The following GDPD4 variants were observed in gnomAD, a reference collection of about 807,000 sequenced individuals.
The protein encoded by GDPD4 is glycerophosphodiester phosphodiesterase domain containing 4, also known as glycerophosphodiester phosphodiesterase 6.
GDPD4 carries 60 observed loss-of-function variants against 67.8 expected under a neutral mutation model. The observed-to-expected ratio is 0.88, with a 90% CI of 0.72 to 1.10. The LOEUF is 1.10. Among genes scored for constraint, GDPD4 ranks in the 50% least tolerant of loss-of-function variants. The pLI is 0.00. For missense variants in GDPD4, 623 were observed against 613.9 expected, an observed-to-expected ratio of 1.01 and a Z score of -0.16; for synonymous variants, 212 against 210.9, an observed-to-expected ratio of 1.00 and a Z score of -0.04.
In GDPD4 at chr11:77,258,397, C is replaced by T; in HGVS notation, c.853G>A (p.Val285Ile). 6.2e-7 allele frequency: 1 copy of T among 1,614,022 alleles called. No homozygotes were observed. The highest frequency in any genetic ancestry group is 1.1e-5 in the South Asian group (1 of 91,062). ...LSTLNAGKWF[V>I]KPELRPFYNM... The stretch of plus-strand genomic sequence containing the variant: ...GGAATGTGTCTTACCTCTGGTTTTA[C>T]AAACCATTTGCCTGCATTCAGAGTC... Residue 285 changes from valine (V) to isoleucine (I), a missense_variant, in exon 11 of 17, where the codon GTA (valine) becomes ATA (isoleucine). Physicochemically the swap from Val to Ile is conservative, Grantham distance 29 (BLOSUM62 3). Transcript: ENST00000315938.
intron 3 of GDPD4, among the ~76,000 whole-genome samples, chr11:77,281,159 C>A (rs1959737141): frequency 6.6e-6 from 1 of 152,168 alleles, no homozygotes; most frequent in South Asian, 2.1e-4. Context: ...GTCAATGCAA[C>A]CTACTCATGT....
intron 10 of GDPD4, among the ~76,000 whole-genome samples, chr11:77,266,749 TA>T (rs144842084): frequency 5.3e-5 from 8 of 151,420 alleles, no homozygotes; most frequent in South Asian, 2.1e-4. Flanking sequence ...ACAAAAAAGT[TA>T]AAAAAAAATT....
intron 14 of GDPD4, 114 bp downstream of exon 14, chr11:77,232,911 A>G (rs1359172669): frequency 3.4e-5 from 29 of 854,196 alleles, no homozygotes; most frequent in South Asian, 1.7e-5. Flanking sequence ...TATTCATAGA[A>G]GTCTGTACTC....
In GDPD4 at chr11:77,273,037, T is replaced by C. The variant is rs139179378; in HGVS notation, c.208-1644A>G. On this transcript the variant is annotated intron_variant, in intron 5 of 16. Transcript: ENST00000315938. The stretch of plus-strand genomic sequence containing the variant: ...ACACATGAACCTATATATTCCAGGT[T>C]TGTTTACAATAAAACCAACCTAAAT... Among the ~76,000 whole-genome samples, 683 of 152,292 alleles carry C rather than the reference T, an allele frequency of 4.5e-3. 6 individuals carry two copies. Among genetic ancestry groups the C allele is most frequent in the Middle Eastern group, 0.024 (7 of 294 alleles).
At chr11:77,249,391 T>C (rs1424618846) in intron 11 of GDPD4, among the ~76,000 whole-genome samples, 2 of 152,042 alleles carry the variant, frequency 1.3e-5, no homozygotes, top group East Asian at 1.9e-4. Context: ...TTACAGCTCA[T>C]ATGAACGTTA....
intron 13 of GDPD4, among the ~76,000 whole-genome samples, chr11:77,235,655 A>G (rs1043923772): frequency 6.6e-6 from 1 of 152,264 alleles, no homozygotes; most frequent in Non-Finnish European, 1.5e-5. Context: ...TAATCCAAAG[A>G]TGTAAAAATT....
At position 77,269,932 on chromosome 11, in the gene GDPD4, A is replaced by T. The variant is rs757785207; in HGVS notation, c.429T>A (p.His143Gln). Residue 143 changes from histidine to glutamine, a missense_variant, in exon 8 of 17, where the codon CAT (histidine) becomes CAA (glutamine). His to Gln is a conservative substitution (Grantham distance 24). Coordinates refer to ENST00000315938, the MANE Select transcript of GDPD4 (RefSeq NM_182833.3). ...EVRMRRYRMTHSEKKRLKQCN... is the reference protein window; with the variant it reads ...EVRMRRYRMTQSEKKRLKQCN... ...ATTGCTTGAGTCTTTTTTTCTCAGA[A>T]TGTGTCATCCTGTATCTTCTCATTC... 1.9e-6 allele frequency: 3 copies of T among 1,582,662 alleles called. No homozygotes were observed. The South Asian group carries it at 3.3e-5, about 18-fold the overall frequency.
intron 15 of GDPD4, 52 bp downstream of exon 15, chr11:77,229,095 TATA>T (rs2135826871): frequency 1.2e-6 from 1 of 800,834 alleles, no homozygotes; most frequent in African/African-American, 1.8e-5. Context: ...CTCAATTTCC[TATA>T]ATAATCCATT....
At chr11:77,289,556 C>T (rs1315689816) in intron 1 of GDPD4, among the ~76,000 whole-genome samples, 2 of 151,472 alleles carry the variant, frequency 1.3e-5, no homozygotes, top group Non-Finnish European at 2.9e-5. Context: ...ATGATGAAAC[C>T]CCGTCTCTAC....
chr11:77,258,322 G>A, intron 11 of GDPD4, 64 bp downstream of exon 11: 6 of 1,468,864 alleles, frequency 4.1e-6, no homozygotes, highest in East Asian at 2.3e-5. Flanking sequence ...TTATTTTCAG[G>A]AGCAGCACAT....
intron 14 of GDPD4, among the ~76,000 whole-genome samples, 177 bp from the exon 15 acceptor site, chr11:77,229,409 C>G (rs991941787): frequency 1.3e-5 from 2 of 152,182 alleles, no homozygotes; most frequent in African/African-American, 4.8e-5. Flanking sequence ...TGCAAGTGTC[C>G]TAACAGTCAC....
At chr11:77,223,361 G>T (rs1958264433) in intron 16 of GDPD4, among the ~76,000 whole-genome samples, 2 of 152,170 alleles carry the variant, frequency 1.3e-5, no homozygotes, top group South Asian at 4.1e-4. Flanking sequence ...GTGATCTACA[G>T]ATGGGGTTTT....
At chr11:77,261,758 C>T (rs941773599) in intron 10 of GDPD4, among the ~76,000 whole-genome samples, 1 of 152,148 alleles carries the variant, frequency 6.6e-6, no homozygotes, top group Admixed American at 6.5e-5. Context: ...ACTCAGTTTT[C>T]CCACCAACTC....
rs1958139921 is a variant in GDPD4, at chr11:77,217,208, G to T, written c.*69C>A. 3 of 1,153,400 alleles carry T rather than the reference G, an allele frequency of 2.6e-6. No individual in the cohort carries two copies. The highest frequency in any genetic ancestry group is 1.5e-5 in the African/African-American group (1 of 65,918). 71.4% of individuals were successfully genotyped at this position (1,153,400 alleles called of 1,614,324 possible). On this transcript the variant is annotated 3_prime_UTR_variant, in exon 17 of 17. Coordinates refer to ENST00000315938, the MANE Select transcript of GDPD4 (RefSeq NM_182833.3). ...ACTCTTGGGTAGAGCCGGGTAGAGG[G>T]CTGCTAGAGTCCAAGGACCTTCCAC...
intron 13 of GDPD4, among the ~76,000 whole-genome samples, chr11:77,241,963 T>C (rs186182315): frequency 3.9e-5 from 6 of 151,974 alleles, no homozygotes; most frequent in African/African-American, 7.2e-5. Context: ...GTCTAACTTA[T>C]AGAAAAAGAG....
intron 4 of GDPD4, among the ~76,000 whole-genome samples, chr11:77,276,870 T>C (rs2135879364): frequency 6.6e-6 from 1 of 152,320 alleles, no homozygotes; most frequent in South Asian, 2.1e-4. Flanking sequence ...TGTTCTTTAC[T>C]TAACCCTATA....
intron 13 of GDPD4, among the ~76,000 whole-genome samples, chr11:77,242,282 TAC>T (rs1418084908): frequency 7.2e-5 from 11 of 152,316 alleles, no homozygotes; most frequent in South Asian, 4.1e-4. Flanking sequence ...TATAAATATA[TAC>T]AGTTATGATG....
In GDPD4 at chr11:77,275,618, G is replaced by T. The variant is rs551355008; in HGVS notation, c.207+543C>A. Among the ~76,000 whole-genome samples the T allele has an allele frequency of 1.1e-4, 16 of 152,266 alleles. No homozygotes were observed. In the South Asian group the frequency reaches 2.9e-3, roughly 28 times the overall value. ...TTCCCTTTCTCCCCTCTCCTTGTGA[G>T]ACTGTGCTCGTTTCTCCATCTCCTC... On this transcript the variant is annotated intron_variant, in intron 5 of 16. Coordinates refer to ENST00000315938, the MANE Select transcript of GDPD4 (RefSeq NM_182833.3).
chr11:77,257,248 A>C (rs1463780430), intron 11 of GDPD4, among the ~76,000 whole-genome samples: 1 of 152,226 alleles, frequency 6.6e-6, no homozygotes, highest in Non-Finnish European at 1.5e-5. Context: ...AAATGAGTAT[A>C]GCTGATTGGT....
Sources: allele counts gnomAD v4.1 joint callset (sites outside exome capture counted in the v4.1 genomes callset), GRCh38; gene constraint gnomAD v4.1.1; transcripts MANE v1.5; gene names NCBI Gene and HGNC (gene_info 2026-07-23, HGNC 2026-07-21).